The following DMD variants were observed in gnomAD, a reference collection of about 807,000 sequenced individuals.
DMD encodes the protein mutant dystrophin.
A neutral mutation model predicts 330.1 loss-of-function variants in DMD; 63 were observed. That is an observed-to-expected ratio of 0.19 (90% CI 0.16 to 0.24). The LOEUF is 0.24. DMD is among the 10% of genes least tolerant of loss of function. The probability of loss-of-function intolerance (pLI) is 1.00; values close to 1 mark genes in which losing one functional copy is unlikely to be tolerated. For synonymous variants in DMD, 1,223 were observed against 959.8 expected (o/e 1.27, Z -5.07); for missense variants, 3,344 against 2,684.1 (o/e 1.25, Z -5.43).
At chrX:31,548,716 A>G (rs778315211) in intron 55 of DMD, among the ~76,000 whole-genome samples, 49 of 110,511 alleles carry the variant, frequency 4.4e-4, no homozygotes, top group African/African-American at 1.5e-3. Flanking sequence ...TTGTTTAATG[A>G]TGGCATTATG....
intron 1 of DMD, among the ~76,000 whole-genome samples, chrX:33,050,146 G>A (rs915357619): frequency 2.1e-4 from 23 of 111,287 alleles, no homozygotes; most frequent in African/African-American, 7.5e-4. Context: ...TTGGATGTTT[G>A]TTATGTTTGC....
Position 31,679,459 on chromosome X carries a change from T to A in DMD, c.7788A>T (p.Leu2596Phe), listed in dbSNP as rs2082256994. 1 of 1,212,103 alleles carries A rather than the reference T, an allele frequency of 8.3e-7. No homozygotes were observed. Among genetic ancestry groups the A allele is most frequent in the East Asian group, 3.0e-5 (1 of 33,855 alleles). Residue 2596 changes from leucine (L) to phenylalanine (F), a missense_variant, in exon 53 of 79, where the codon TTA becomes TTT. Transcript: ENST00000357033. Reference sequence around the variant, plus strand: ...ACTCAAGCTTGGCTCTGGCCTGTCCTAAGACCTGCTCAGCTTCTTCCTTAG... The same window carrying A: ...ACTCAAGCTTGGCTCTGGCCTGTCCAAAGACCTGCTCAGCTTCTTCCTTAG... ...LEAKEEAEQV[L>F]GQARAKLESW... is the part of the protein sequence containing the mutation.
chrX:32,904,240 C>G (rs1422326116), intron 2 of DMD, among the ~76,000 whole-genome samples: 2 of 111,604 alleles, frequency 1.8e-5, no homozygotes, highest in African/African-American at 6.5e-5. Flanking sequence ...ATAAGTGACT[C>G]AATAAGTTTT....
intron 2 of DMD, among the ~76,000 whole-genome samples, chrX:32,935,727 T>C (rs1215902540): frequency 9.1e-6 from 1 of 110,004 alleles, no homozygotes; most frequent in Non-Finnish European, 1.9e-5. Context: ...GTACAGAAAA[T>C]GCAAGGAAAA....
At chrX:31,242,582 A>G (rs2048440040) in intron 63 of DMD, among the ~76,000 whole-genome samples, 1 of 110,961 alleles carries the variant, frequency 9.0e-6, no homozygotes. Context: ...TAACTGTTTT[A>G]TTACTTCCCA....
intron 45 of DMD, among the ~76,000 whole-genome samples, chrX:31,954,108 C>T (rs1040346995): frequency 2.7e-5 from 3 of 111,170 alleles, no homozygotes; most frequent in Admixed American, 9.6e-5. Context: ...GAATTTGATT[C>T]GCACATGTAA....
chrX:31,607,977 G>A (rs1296998274), intron 55 of DMD, among the ~76,000 whole-genome samples: 4 of 111,959 alleles, frequency 3.6e-5, no homozygotes, highest in African/African-American at 6.5e-5. Context: ...TATGGGTTTC[G>A]TTTTAATGAT....
intron 43 of DMD, among the ~76,000 whole-genome samples, chrX:32,257,725 C>A (rs1227284449): frequency 9.0e-6 from 1 of 111,369 alleles, no homozygotes; most frequent in Non-Finnish European, 1.9e-5. Flanking sequence ...TAGAAGAAAA[C>A]CTAGGCAATA....
chrX:31,182,976 T>C (rs1308593666), intron 67 of DMD, 72 bp from the exon 68 acceptor site: 2 of 881,522 alleles, frequency 2.3e-6, no homozygotes, highest in East Asian at 3.3e-5. Flanking sequence ...GCAAAGGAGG[T>C]GTATATCAGT....
At chrX:31,360,895 G>A (rs949152144) in intron 60 of DMD, among the ~76,000 whole-genome samples, 2 of 112,117 alleles carry the variant, frequency 1.8e-5, no homozygotes, top group African/African-American at 3.2e-5. Context: ...GCTAAGGCGT[G>A]TAAAGCGTTT....
intron 60 of DMD, among the ~76,000 whole-genome samples, chrX:31,436,777 A>G (rs1419904626): frequency 1.8e-5 from 2 of 111,688 alleles, no homozygotes; most frequent in Non-Finnish European, 3.8e-5. Context: ...AACAGAGTTG[A>G]GGTTAAGCAT....
chrX:31,321,220 T>C (rs926465015), intron 62 of DMD, among the ~76,000 whole-genome samples: 2 of 111,741 alleles, frequency 1.8e-5, no homozygotes, highest in African/African-American at 6.5e-5. Flanking sequence ...GAATGAGTCA[T>C]GCTCATTACG....
intron 7 of DMD, among the ~76,000 whole-genome samples, chrX:32,757,472 T>C (rs1483895282): frequency 9.0e-6 from 1 of 111,487 alleles, no homozygotes; most frequent in African/African-American, 3.3e-5. Flanking sequence ...TTCCCCCAAA[T>C]CTTGAATTGT....
chrX:31,876,456 G>A (rs1185110125), intron 47 of DMD, among the ~76,000 whole-genome samples: 3 of 111,777 alleles, frequency 2.7e-5, no homozygotes, highest in Non-Finnish European at 5.6e-5. Flanking sequence ...ACTCAGTAAC[G>A]TCATCCCTGA....
intron 44 of DMD, among the ~76,000 whole-genome samples, chrX:32,075,341 T>C (rs1319799851): frequency 8.9e-6 from 1 of 112,001 alleles, no homozygotes; most frequent in Non-Finnish European, 1.9e-5. Flanking sequence ...GTGCCTAGGT[T>C]CTGCAATAAC....
chrX:31,931,820 T>C (rs1366940234), intron 46 of DMD, among the ~76,000 whole-genome samples: 3 of 111,186 alleles, frequency 2.7e-5, no homozygotes, highest in Admixed American at 9.6e-5. Flanking sequence ...ATATTGAATC[T>C]ATACATCTAT....
chrX:31,704,887 A>G (rs981159614), intron 52 of DMD, among the ~76,000 whole-genome samples: 1 of 112,606 alleles, frequency 8.9e-6, no homozygotes, highest in Non-Finnish European at 1.9e-5. Context: ...AAGCTAAAAA[A>G]GAAGTAATAA....
intron 41 of DMD, among the ~76,000 whole-genome samples, chrX:32,310,561 T>C (rs1259275897): frequency 5.4e-5 from 6 of 111,570 alleles, no homozygotes; most frequent in Non-Finnish European, 1.1e-4. Context: ...AGAGTAGTTT[T>C]ATCCTAAGAA....
intron 70 of DMD, chrX:31,178,438 T>C (rs1173770957): frequency 4.3e-6 from 4 of 938,005 alleles, no homozygotes; most frequent in Non-Finnish European, 5.3e-6. Context: ...TGTGGTTTTT[T>C]TTTTTTTTTC....
Sources: gnomAD v4.1 joint callset for allele counts (sites outside exome capture counted in the v4.1 genomes callset) on GRCh38, gnomAD v4.1.1 for gene constraint, MANE v1.5 for transcripts, NCBI Gene and HGNC (gene_info 2026-07-23, HGNC 2026-07-21) for gene names.